FAAH2: variants seen among roughly 807,000 people sequenced by gnomAD.
FAAH2 encodes fatty-acid amide hydrolase 2.
Under a neutral mutation model 36.9 loss-of-function variants are expected in FAAH2, and 60 were observed. The ratio of observed to expected loss-of-function variants is 1.63; its 90% CI spans 1.32 to 2.02. The LOEUF is 2.02. FAAH2 is among the 30% of genes most tolerant of loss of function. The probability of loss-of-function intolerance (pLI) is 0.00; values close to 1 mark genes in which losing one functional copy is unlikely to be tolerated. For synonymous variants in FAAH2, 214 were observed against 143.8 expected, an observed-to-expected ratio of 1.49 and a Z score of -3.49; for missense variants, 689 against 397.5, an observed-to-expected ratio of 1.73 and a Z score of -6.23.
chrX:57,124,049 T>G, the FAAH2 span, among the ~76,000 whole-genome samples: 2 of 111,844 alleles, frequency 1.8e-5, no homozygotes, highest in Non-Finnish European at 3.8e-5. Flanking sequence ...TGCCATTGCT[T>G]TTGGTGTTTT....
intron 3 of FAAH2, among the ~76,000 whole-genome samples, chrX:57,320,777 C>T (rs1602262100): frequency 8.9e-6 from 1 of 112,444 alleles, no homozygotes; most frequent in Admixed American, 9.4e-5. Flanking sequence ...ACCCAAATGC[C>T]AATCAGTGAT....
intron 5 of FAAH2, among the ~76,000 whole-genome samples, chrX:57,362,748 T>A (rs1483980345): frequency 8.9e-6 from 1 of 112,355 alleles, no homozygotes; most frequent in Non-Finnish European, 1.9e-5. Flanking sequence ...ATATGTCTAA[T>A]CAATCTTGAG....
At chrX:57,387,062 T>C (rs894005954) in intron 7 of FAAH2, among the ~76,000 whole-genome samples, 1 of 112,108 alleles carries the variant, frequency 8.9e-6, no homozygotes, top group Admixed American at 9.5e-5. Context: ...TACAAGTTGG[T>C]TCCATAAGAG....
At chrX:57,451,674 G>A (rs1433667258) in intron 10 of FAAH2, among the ~76,000 whole-genome samples, 2 of 111,183 alleles carry the variant, frequency 1.8e-5, no homozygotes, top group African/African-American at 6.5e-5. Context: ...GTGGACAGAG[G>A]GTATAAACAC....
chrX:57,480,043 C>T (rs1008807113), intron 10 of FAAH2, among the ~76,000 whole-genome samples: 7 of 111,137 alleles, frequency 6.3e-5, no homozygotes, highest in Non-Finnish European at 1.3e-4. Context: ...ACACATACAC[C>T]CTCCCAAGAC....
At chrX:57,284,104 C>T (rs186528412), upstream of FAAH2, among the ~76,000 whole-genome samples, 1 of 112,292 alleles carries the variant, frequency 8.9e-6, no homozygotes, top group East Asian at 2.8e-4. Context: ...CCTCTGGGAG[C>T]TCTGTCCCAG....
At chrX:57,472,375 A>G (rs1164879699) in intron 10 of FAAH2, among the ~76,000 whole-genome samples, 2 of 112,064 alleles carry the variant, frequency 1.8e-5, no homozygotes, top group South Asian at 7.3e-4. Flanking sequence ...AGAATCTACA[A>G]AGAGCTCAAA....
intron 3 of FAAH2, among the ~76,000 whole-genome samples, chrX:57,323,977 T>C (rs1255509870): frequency 1.8e-4 from 19 of 106,394 alleles, no homozygotes; most frequent in Admixed American, 2.0e-4. Flanking sequence ...GTTTTAGGTC[T>C]AACATTTAAG....
chrX:57,216,132 T>G, the FAAH2 span, among the ~76,000 whole-genome samples: 1 of 108,244 alleles, frequency 9.2e-6, no homozygotes, highest in African/African-American at 3.3e-5. Flanking sequence ...TTAAATTTTG[T>G]TTTTCTGTAA....
At chrX:57,154,245 T>C in the FAAH2 span, among the ~76,000 whole-genome samples, 1 of 108,734 alleles carries the variant, frequency 9.2e-6, no homozygotes, top group Non-Finnish European at 1.9e-5. Context: ...TCACTGAAGA[T>C]TTCTCCCCTC....
chrX:57,196,997 G>A, the FAAH2 span, among the ~76,000 whole-genome samples: 1 of 111,461 alleles, frequency 9.0e-6, no homozygotes. Context: ...CTCTTCTTTT[G>A]GGGAATATGA....
At chrX:57,161,877 T>G in the FAAH2 span, among the ~76,000 whole-genome samples, 2 of 111,630 alleles carry the variant, frequency 1.8e-5, no homozygotes, top group African/African-American at 6.5e-5. Context: ...GTTAATATTG[T>G]TACGTGTGAA....
At chrX:57,395,253 A>G in intron 7 of FAAH2, 1 of 634,428 alleles carries the variant, frequency 1.6e-6, no homozygotes. Context: ...GCTTCACATT[A>G]TATAAAGATT....
At chrX:57,174,198 T>G in the FAAH2 span, among the ~76,000 whole-genome samples, 2 of 110,181 alleles carry the variant, frequency 1.8e-5, no homozygotes, top group South Asian at 7.7e-4. Context: ...CTGGAATCTC[T>G]CTAGCCCCGA....
At chrX:57,468,197 C>T (rs1156546070) in intron 10 of FAAH2, among the ~76,000 whole-genome samples, 1 of 111,658 alleles carries the variant, frequency 9.0e-6, no homozygotes, top group Non-Finnish European at 1.9e-5. Context: ...CACCTCTCCC[C>T]CTCCAAAGGA....
intron 5 of FAAH2, among the ~76,000 whole-genome samples, chrX:57,353,864 C>T (rs1264696739): frequency 2.7e-5 from 3 of 111,061 alleles, no homozygotes; most frequent in Non-Finnish European, 5.7e-5. Flanking sequence ...GTATCACTAG[C>T]TATCAGAGAA....
At chrX:57,155,585 C>A in the FAAH2 span, among the ~76,000 whole-genome samples, 5 of 112,197 alleles carry the variant, frequency 4.5e-5, no homozygotes, top group African/African-American at 1.6e-4. Flanking sequence ...CTACTACTAG[C>A]CTTCAGGCTG....
chrX:57,149,948 T>C, the FAAH2 span, among the ~76,000 whole-genome samples: 2 of 111,890 alleles, frequency 1.8e-5, no homozygotes, highest in Non-Finnish European at 3.8e-5. Context: ...CCAGAGATTC[T>C]GGTGTGTTGT....
At chrX:57,450,790 A>C (rs983389193) in intron 10 of FAAH2, among the ~76,000 whole-genome samples, 1 of 111,265 alleles carries the variant, frequency 9.0e-6, no homozygotes, top group Admixed American at 9.6e-5. Context: ...GGTTGGAAGG[A>C]TATAATGTAA....
Sources: gnomAD v4.1 joint callset for allele counts (sites outside exome capture counted in the v4.1 genomes callset) on GRCh38, gnomAD v4.1.1 for gene constraint, MANE v1.5 for transcripts, NCBI Gene and HGNC (gene_info 2026-07-23, HGNC 2026-07-21) for gene names.